MSH4: variants seen among roughly 807,000 people sequenced by gnomAD.
MSH4 encodes the protein mutS homolog 4, also known as mutS protein homolog 4.
A neutral mutation model predicts 113.7 loss-of-function variants in MSH4; 106 were observed. That is an observed-to-expected ratio of 0.93 (90% CI 0.80 to 1.10). MSH4 has a LOEUF of 1.10. Ranked by LOEUF, MSH4 falls within the 50% of genes least tolerant of loss-of-function variation. The pLI is 0.00. For missense variants in MSH4, 1,061 were observed against 1,093.7 expected, an observed-to-expected ratio of 0.97 and a Z score of 0.42; for synonymous variants, 368 against 380.2, an observed-to-expected ratio of 0.97 and a Z score of 0.37.
chr1:75,878,403 GC>G (rs1651860745), intron 11 of MSH4, 85 bp downstream of exon 11: 8 of 1,029,172 alleles, frequency 7.8e-6, no homozygotes, highest in Non-Finnish European at 1.1e-5. Flanking sequence ...CTGATGACTA[GC>G]CATACATATT....
At chr1:75,875,299 C>T (rs571130248) in intron 9 of MSH4, among the ~76,000 whole-genome samples, 51 of 152,048 alleles carry the variant, frequency 3.4e-4, no homozygotes, top group Non-Finnish European at 5.3e-4. Context: ...ACAGTAATGA[C>T]GATGAAGATG....
intron 8 of MSH4, among the ~76,000 whole-genome samples, chr1:75,854,412 C>G (rs975280381): frequency 1.3e-5 from 2 of 152,104 alleles, no homozygotes; most frequent in Non-Finnish European, 2.9e-5. Context: ...TGCCCTTCTA[C>G]GCAGAGGAGG....
intron 7 of MSH4, among the ~76,000 whole-genome samples, chr1:75,836,012 CT>C: frequency 6.6e-6 from 1 of 152,300 alleles, no homozygotes; most frequent in Non-Finnish European, 1.5e-5. Flanking sequence ...TACCTTCAGG[CT>C]GTTAGAGCGC....
At chr1:75,830,926 T>A (rs578233948) in intron 7 of MSH4, among the ~76,000 whole-genome samples, 2 of 152,264 alleles carry the variant, frequency 1.3e-5, no homozygotes, top group African/African-American at 4.8e-5. Context: ...CAGGATCAAA[T>A]TCACACGTAA....
intron 8 of MSH4, among the ~76,000 whole-genome samples, chr1:75,862,454 A>G (rs960947069): frequency 2.0e-5 from 3 of 152,136 alleles, no homozygotes; most frequent in African/African-American, 7.2e-5. Context: ...ACTAAGGAAA[A>G]CTTTAGTTTT....
intron 7 of MSH4, among the ~76,000 whole-genome samples, chr1:75,838,501 T>G (rs1301773412): frequency 6.6e-6 from 1 of 152,170 alleles, no homozygotes; most frequent in East Asian, 1.9e-4. Flanking sequence ...GCAGATCTCT[T>G]TGGGGGTCTG....
chr1:75,867,441 G>T lies in MSH4; in HGVS notation c.1231-73G>T, dbSNP rs1207971145. 7 of 822,602 alleles carry T rather than the reference G, an allele frequency of 8.5e-6. No homozygotes were observed. In the Admixed American group the frequency reaches 9.3e-5, roughly 11 times the overall value. 51.0% of individuals were successfully genotyped at this position (822,602 alleles called of 1,614,324 possible). ...TATGGGATATGGAAAGAGTAAGAAT[G>T]TTCAAGAGGAAAACCCATTGTTCTA... On this transcript the variant is annotated intron_variant, in intron 8 of 19. Coordinates refer to ENST00000263187, the MANE Select transcript of MSH4 (RefSeq NM_002440.4).
rs576560640 is a variant in MSH4 at position 75,912,798 on chromosome 1, A to C, written c.2722A>C (p.Ser908Arg). The C allele has an allele frequency of 4.4e-6, 7 of 1,595,764 alleles. No individual in the cohort carries two copies. In the African/African-American group the frequency reaches 8.1e-5, roughly 19 times the overall value. ...TARNSQLDPDSLRIYLSNLKK... is the reference protein window; with the variant it reads ...TARNSQLDPDRLRIYLSNLKK... ...TCGAAACTCTCAATTGGATCCAGAC[A>C]GTTTACGAATATATTTAAGTAACCT... The change falls in exon 20 of 20, where the codon AGT becomes CGT. Residue 908 changes from serine (S) to arginine (R), a missense_variant. Transcript: ENST00000263187.
chr1:75,799,643 AC>A (rs2100498569), intron 1 of MSH4, among the ~76,000 whole-genome samples: 1 of 152,322 alleles, frequency 6.6e-6, no homozygotes, highest in East Asian at 1.9e-4. Context: ...ATCATGTAAA[AC>A]TGCTAATAAT....
rs188149341 is a variant in MSH4 at position 75,844,306 on chromosome 1, G to C, written c.1163-3903G>C. Among the ~76,000 whole-genome samples, 220 of 152,230 alleles carry C rather than the reference G, an allele frequency of 1.4e-3. 1 individual carries two copies. The highest frequency in any genetic ancestry group is 5.1e-3 in the African/African-American group (212 of 41,576). ...ACAATCTCTATGTTAAATGGTTAAA[G>C]TTTATTACTTATTTATATTTATTTT... On this transcript the variant is annotated intron_variant, in intron 7 of 19. Coordinates refer to ENST00000263187, the MANE Select transcript of MSH4 (RefSeq NM_002440.4).
chr1:75,883,896 C>A, intron 15 of MSH4, 75 bp downstream of exon 15: 1 of 1,245,462 alleles, frequency 8.0e-7, no homozygotes, highest in Non-Finnish European at 1.1e-6. Context: ...TTTTTTAGGG[C>A]CATGTGCCTA....
chr1:75,897,107 G>A (rs1652402582), intron 17 of MSH4, among the ~76,000 whole-genome samples: 1 of 152,038 alleles, frequency 6.6e-6, no homozygotes, highest in East Asian at 1.9e-4. Flanking sequence ...GTCTTAAAAC[G>A]TAACTGGTTA....
chr1:75,868,967 G>T (rs939096497), intron 9 of MSH4, among the ~76,000 whole-genome samples: 2 of 152,170 alleles, frequency 1.3e-5, no homozygotes, highest in East Asian at 3.9e-4. Context: ...TGCTGTAAAG[G>T]TACCTGAAAA....
chr1:75,833,915 A>G (rs1650767842), intron 7 of MSH4, among the ~76,000 whole-genome samples: 1 of 152,240 alleles, frequency 6.6e-6, no homozygotes, highest in African/African-American at 2.4e-5. Flanking sequence ...AATGGCAACA[A>G]AAGCCAAAAC....
chr1:75,833,747 C>T (rs867352556), intron 7 of MSH4, among the ~76,000 whole-genome samples: 7 of 152,282 alleles, frequency 4.6e-5, no homozygotes, highest in African/African-American at 7.2e-5. Flanking sequence ...AAACCTGAAA[C>T]TGGATCCCTT....
intron 7 of MSH4, among the ~76,000 whole-genome samples, chr1:75,838,438 C>T (rs747793328): frequency 1.3e-4 from 20 of 152,176 alleles, no homozygotes; most frequent in Non-Finnish European, 2.4e-4. Context: ...TTAATCCCAA[C>T]TAGAAACTTC....
At chr1:75,850,069 TA>T (rs1227327212) in intron 8 of MSH4, among the ~76,000 whole-genome samples, 9 of 152,266 alleles carry the variant, frequency 5.9e-5, no homozygotes, top group African/African-American at 2.2e-4. Flanking sequence ...CTGTTTTTCT[TA>T]ATCAGCCTGG....
intron 15 of MSH4, among the ~76,000 whole-genome samples, chr1:75,886,534 T>TG (rs1557525045): frequency 0.056 from 3,655 of 65,724 alleles, 301 homozygotes; most frequent in African/African-American, 0.084. Context: ...GTATTATATA[T>TG]ATTATTATCT....
At chr1:75,901,086 T>A (rs559000892) in intron 19 of MSH4, among the ~76,000 whole-genome samples, 3 of 152,306 alleles carry the variant, frequency 2.0e-5, no homozygotes, top group East Asian at 3.9e-4. Flanking sequence ...TTTTGATACT[T>A]GCATGCAATG....
Sources: allele counts gnomAD v4.1 joint callset (sites outside exome capture counted in the v4.1 genomes callset), GRCh38; gene constraint gnomAD v4.1.1; transcripts MANE v1.5; gene names NCBI Gene and HGNC (gene_info 2026-07-23, HGNC 2026-07-21).